Variants in TBC1D5 observed in about 807,000 individuals in gnomAD.
TBC1D5 encodes TBC1 domain family, member 5.
In TBC1D5, 75 loss-of-function variants were observed where a neutral mutation model predicts 100.3. The ratio of observed to expected loss-of-function variants is 0.75; its 90% CI spans 0.62 to 0.91. TBC1D5 has a LOEUF of 0.91. Among genes scored for constraint, TBC1D5 ranks in the 40% least tolerant of loss-of-function variants. TBC1D5 has a pLI of 0.00. For synonymous variants in TBC1D5, 323 were observed against 325.6 expected (o/e 0.99, Z 0.09); for missense variants, 910 against 942.4 (o/e 0.97, Z 0.45).
chr3:17,483,059 T>C (rs1559987242), intron 3 of TBC1D5, among the ~76,000 whole-genome samples: 1 of 152,218 alleles, frequency 6.6e-6, no homozygotes, highest in Non-Finnish European at 1.5e-5. Flanking sequence ...TGTGTGTATA[T>C]GTGTGTTTAA....
At chr3:17,430,289 A>G (rs1475893870) in intron 3 of TBC1D5, among the ~76,000 whole-genome samples, 3 of 151,790 alleles carry the variant, frequency 2.0e-5, no homozygotes, top group Non-Finnish European at 4.4e-5. Flanking sequence ...TCTCGTTAAA[A>G]CTAAAGATTA....
chr3:17,182,526 T>G (rs891922968), intron 19 of TBC1D5, among the ~76,000 whole-genome samples: 1 of 152,256 alleles, frequency 6.6e-6, no homozygotes, highest in African/African-American at 2.4e-5. Flanking sequence ...AGTTGCTGTG[T>G]GTACCAAACA....
rs200111139 is a variant in TBC1D5 at position 17,321,994 on chromosome 3, C to T, written c.996-13860G>A. Among the ~76,000 whole-genome samples the T allele has an allele frequency of 5.9e-5, 9 of 152,260 alleles. No individual in the cohort carries two copies. The South Asian group carries it at 1.2e-3, about 21-fold the overall frequency. On this transcript the variant is annotated intron_variant, in intron 13 of 21. Coordinates refer to ENST00000253692, the Ensembl canonical transcript of TBC1D5. ...AGTCTGCCTGATTTACCATGAATTA[C>T]GAGAGGTACAAGTAGCTTACTACTA...
At chr3:17,472,842 G>C (rs2095394431) in intron 3 of TBC1D5, among the ~76,000 whole-genome samples, 1 of 152,136 alleles carries the variant, frequency 6.6e-6, no homozygotes, top group Non-Finnish European at 1.5e-5. Context: ...GGATACTTAA[G>C]ACAGCTAGTA....
At chr3:17,353,954 T>C (rs17272978) in intron 13 of TBC1D5, among the ~76,000 whole-genome samples, 2,521 of 152,188 alleles carry the variant, frequency 0.017, 53 homozygotes, top group South Asian at 0.047. Context: ...TATACACCAA[T>C]GCAAAATAGC....
At position 17,175,675 on chromosome 3, in the gene TBC1D5, G is replaced by A. The variant is rs150483558; in HGVS notation, c.1853-7847C>T. 3.1e-3 allele frequency among the ~76,000 whole-genome samples: 470 copies of A among 152,296 alleles called. 1 individual carries two copies. The highest frequency in any genetic ancestry group is 5.1e-3 in the Non-Finnish European group (346 of 68,020). ...CCCTTACTTGGGAGCTAAGAGATAG[G>A]ACAGCAGTTTGGGTGTGACTGCCTT... On this transcript the variant is annotated intron_variant, in intron 19 of 21. Transcript: ENST00000253692.
At chr3:17,190,040 T>C (rs771343974) in intron 18 of TBC1D5, among the ~76,000 whole-genome samples, 2 of 152,246 alleles carry the variant, frequency 1.3e-5, no homozygotes, top group Admixed American at 6.5e-5. Context: ...TCTATTGAAA[T>C]GTTAGGTATC....
chr3:17,605,357 T>C (rs2061273767), intron 2 of TBC1D5, among the ~76,000 whole-genome samples: 4 of 152,174 alleles, frequency 2.6e-5, no homozygotes, highest in Admixed American at 2.0e-4. Context: ...CAGAAAACCC[T>C]ACAATTTTTC....
At chr3:17,659,887 C>T (rs189937029) in intron 1 of TBC1D5, among the ~76,000 whole-genome samples, 1 of 152,120 alleles carries the variant, frequency 6.6e-6, no homozygotes, top group African/African-American at 2.4e-5. Flanking sequence ...ATAAATTATA[C>T]AATTATACTT....
intron 12 of TBC1D5, among the ~76,000 whole-genome samples, chr3:17,373,895 T>G (rs532761375): frequency 1.8e-4 from 28 of 152,256 alleles, no homozygotes; most frequent in Admixed American, 3.3e-4. Context: ...GTTTTCTTTT[T>G]GGGTGATTAA....
rs569818974 is a variant in TBC1D5, at chr3:17,539,311, A to G, written c.-35-30706T>C. 2.6e-5 allele frequency among the ~76,000 whole-genome samples: 4 copies of G among 152,366 alleles called. No homozygotes were observed. In the South Asian group the frequency reaches 8.3e-4, roughly 32 times the overall value. On this transcript the variant is annotated intron_variant, in intron 2 of 21. Transcript: ENST00000253692. ...CCAGGTAGCAGGCTTCAGAAAGAATAGACTGTAAATGTTTCTTATGAGACT... is the reference window on the plus strand; with the variant it reads ...CCAGGTAGCAGGCTTCAGAAAGAATGGACTGTAAATGTTTCTTATGAGACT...
At chr3:17,546,179 C>G (rs1053903764) in intron 2 of TBC1D5, among the ~76,000 whole-genome samples, 1 of 152,162 alleles carries the variant, frequency 6.6e-6, no homozygotes, top group African/African-American at 2.4e-5. Context: ...AGTGAGGGTA[C>G]AAATTGATAG....
At chr3:17,160,941 G>A (rs1559322612) in exon 22 of TBC1D5, 1 of 1,601,652 alleles carries the variant, frequency 6.2e-7, no homozygotes, top group Non-Finnish European at 8.5e-7. Flanking sequence ...AGATCCCTGT[G>A]GGGCAGGACT....
intron 3 of TBC1D5, among the ~76,000 whole-genome samples, chr3:17,464,100 C>T (rs903714085): frequency 2.0e-5 from 3 of 151,840 alleles, no homozygotes; most frequent in Non-Finnish European, 2.9e-5. Context: ...TACAGGCATG[C>T]GCCAACACAC....
chr3:17,708,252 T>C, intron 1 of TBC1D5, among the ~76,000 whole-genome samples: 1 of 152,062 alleles, frequency 6.6e-6, no homozygotes, highest in Non-Finnish European at 1.5e-5. Context: ...TTCTTTTAAT[T>C]CCACATTTTT....
At chr3:17,348,962 T>C (rs17043457) in intron 13 of TBC1D5, among the ~76,000 whole-genome samples, 3,931 of 152,166 alleles carry the variant, frequency 0.026, 162 homozygotes, top group African/African-American at 0.089. Context: ...AACTACAAAT[T>C]CTATCATTAC....
intron 2 of TBC1D5, among the ~76,000 whole-genome samples, chr3:17,580,961 T>G (rs962026917): frequency 6.6e-6 from 1 of 152,230 alleles, no homozygotes; most frequent in Non-Finnish European, 1.5e-5. Context: ...TGTTACATCT[T>G]GATATGGTTT....
chr3:17,485,262 T>A (rs534072847), intron 3 of TBC1D5, among the ~76,000 whole-genome samples: 3 of 151,812 alleles, frequency 2.0e-5, no homozygotes, highest in Non-Finnish European at 4.4e-5. Flanking sequence ...TTCAATTACT[T>A]TTAAAGATAG....
intron 18 of TBC1D5, among the ~76,000 whole-genome samples, chr3:17,200,592 C>G (rs190404855): frequency 1.3e-5 from 2 of 152,192 alleles, no homozygotes; most frequent in Non-Finnish European, 2.9e-5. Flanking sequence ...TTCCGTGAAA[C>G]GGTCCCTGGT....
Sources: allele counts gnomAD v4.1 joint callset (sites outside exome capture counted in the v4.1 genomes callset), GRCh38; gene constraint gnomAD v4.1.1; transcripts MANE v1.5; gene names NCBI Gene and HGNC (gene_info 2026-07-23, HGNC 2026-07-21).